Variants in PTP4A1 observed in about 807,000 individuals in gnomAD.
PTP4A1 encodes protein tyrosine phosphatase 4A1, also known as protein tyrosine phosphatase type IVA 1.
PTP4A1 carries 9 observed loss-of-function variants against 20.5 expected under a neutral mutation model. The observed-to-expected ratio is 0.44, with a 90% CI of 0.26 to 0.77. The LOEUF is 0.77. Among genes scored for constraint, PTP4A1 ranks in the 30% least tolerant of loss-of-function variants. PTP4A1 has a pLI of 0.19. For missense variants in PTP4A1, 137 were observed against 218.8 expected (o/e 0.63, Z 2.36); for synonymous variants, 78 against 67.4 (o/e 1.16, Z -0.77).
At chr6:63,529,560 T>C (rs1426195633) in intron 2 of PTP4A1, among the ~76,000 whole-genome samples, 9 of 152,178 alleles carry the variant, frequency 5.9e-5, no homozygotes, top group African/African-American at 9.7e-5. Context: ...TTCTCACCCC[T>C]TTCTTTCCTT....
upstream of PTP4A1, among the ~76,000 whole-genome samples, chr6:63,520,186 A>G (rs753576777): frequency 6.6e-6 from 1 of 152,178 alleles, no homozygotes; most frequent in Non-Finnish European, 1.5e-5. Context: ...TTTTAACTTC[A>G]GTCTTCATTG....
At chr6:63,562,197 T>C (rs1202076957) in intron 3 of PTP4A1, among the ~76,000 whole-genome samples, 1 of 147,656 alleles carries the variant, frequency 6.8e-6, no homozygotes. Context: ...GATATTTTCT[T>C]TTTCTTTTTT....
chr6:63,549,039 A>G, intron 2 of PTP4A1: 1 of 726,306 alleles, frequency 1.4e-6, no homozygotes, highest in African/African-American at 1.7e-5. Flanking sequence ...GTCGTGTGCA[A>G]TCACCACCGG....
chr6:63,527,657 TTAAG>T (rs1276865298), intron 1 of PTP4A1, among the ~76,000 whole-genome samples: 1 of 152,192 alleles, frequency 6.6e-6, no homozygotes, highest in African/African-American at 2.4e-5. Flanking sequence ...CTCTGAGAAC[TTAAG>T]TAACCATGTC....
chr6:63,541,720 A>G (rs1260402354), intron 2 of PTP4A1, among the ~76,000 whole-genome samples: 1 of 152,114 alleles, frequency 6.6e-6, no homozygotes, highest in Non-Finnish European at 1.5e-5. Context: ...GTCTCCATCC[A>G]ACTCCATTAA....
At chr6:63,551,026 T>C (rs1374759118) in intron 3 of PTP4A1, among the ~76,000 whole-genome samples, 1 of 152,106 alleles carries the variant, frequency 6.6e-6, no homozygotes, top group Admixed American at 6.5e-5. Flanking sequence ...TGATAGGTTT[T>C]TTTTATTTAT....
chr6:63,523,256 T>C (rs927457815), intron 1 of PTP4A1, among the ~76,000 whole-genome samples: 2 of 152,138 alleles, frequency 1.3e-5, no homozygotes, highest in Admixed American at 6.5e-5. Context: ...TTCACTATTA[T>C]GTACTTTCTC....
chr6:63,538,191 G>C lies in PTP4A1; in HGVS notation c.-640+10107G>C, dbSNP rs146685448. ...ATATGAGCCTTGGTGTTTACCAGTA[G>C]GGAAATGACAGGTTGTTCAAAAGGA... On this transcript the variant is annotated intron_variant, in intron 2 of 3. Transcript: ENST00000639568. Among the ~76,000 whole-genome samples, 5 of 152,296 alleles carry C rather than the reference G, an allele frequency of 3.3e-5. No individual in the cohort carries two copies. In the East Asian group the frequency reaches 9.6e-4, roughly 29 times the overall value.
intron 2 of PTP4A1, among the ~76,000 whole-genome samples, chr6:63,531,923 C>T (rs1209056202): frequency 6.6e-6 from 1 of 152,040 alleles, no homozygotes; most frequent in African/African-American, 2.4e-5. Context: ...GCCTCAGCCT[C>T]CCGAGTAGCT....
At position 63,579,339 on chromosome 6, in the gene PTP4A1, A is replaced by G; in HGVS notation, c.404+8A>G. 8 of 1,579,502 alleles carry G rather than the reference A, an allele frequency of 5.1e-6. No individual in the cohort carries two copies. Among genetic ancestry groups the G allele is most frequent in the Non-Finnish European group, 6.9e-6 (8 of 1,157,274 alleles). ...AGTACAATTCATAAGACAGTAAGTA[A>G]TGGATTCTCTTTTCATTTGTACTCT... is the stretch of plus-strand genomic sequence containing the variant. On this transcript the variant is annotated splice_region_variant and intron_variant, in intron 5 of 5. Transcript: ENST00000626021.
intron 2 of PTP4A1, among the ~76,000 whole-genome samples, chr6:63,539,674 C>T (rs1775869404): frequency 6.6e-6 from 1 of 151,876 alleles, no homozygotes; most frequent in South Asian, 2.1e-4. Flanking sequence ...GAGGCTGAGG[C>T]AGGGGAATTG....
upstream of PTP4A1, among the ~76,000 whole-genome samples, chr6:63,569,574 C>T (rs1777330942): frequency 6.6e-6 from 1 of 152,182 alleles, no homozygotes; most frequent in African/African-American, 2.4e-5. Context: ...GCTCAACTTC[C>T]TTATAATATT....
At chr6:63,575,431 A>G (rs745812760) in intron 1 of PTP4A1, among the ~76,000 whole-genome samples, 3 of 152,226 alleles carry the variant, frequency 2.0e-5, no homozygotes, top group Admixed American at 6.5e-5. Context: ...TTTTAAAAAT[A>G]TGCTGTGACT....
At chr6:63,520,939 T>C (rs1348194237), upstream of PTP4A1, among the ~76,000 whole-genome samples, 1 of 152,152 alleles carries the variant, frequency 6.6e-6, no homozygotes, top group East Asian at 1.9e-4. Flanking sequence ...TGCAGGGACA[T>C]GGATGAAGCT....
intron 1 of PTP4A1, 150 bp from the exon 2 acceptor site, chr6:63,576,286 G>A: frequency 5.2e-6 from 2 of 381,312 alleles, no homozygotes; most frequent in Non-Finnish European, 4.6e-6. Context: ...CTCACCCCTT[G>A]AGTTTTGCAA....
At chr6:63,556,180 T>C (rs1251637880) in intron 3 of PTP4A1, among the ~76,000 whole-genome samples, 2 of 152,128 alleles carry the variant, frequency 1.3e-5, no homozygotes, top group African/African-American at 4.8e-5. Flanking sequence ...TTTACTGTGA[T>C]TTATTTATTT....
chr6:63,559,791 A>G (rs1581935956), intron 3 of PTP4A1, among the ~76,000 whole-genome samples: 2 of 152,056 alleles, frequency 1.3e-5, no homozygotes, highest in Admixed American at 1.3e-4. Context: ...ATGGTCGTTC[A>G]TGCATATAAT....
chr6:63,528,090 T>C (rs1775265357), intron 2 of PTP4A1: 1 of 152,200 alleles, frequency 6.6e-6, no homozygotes, highest in African/African-American at 2.4e-5. Context: ...GGCAGGTAAG[T>C]GTGACTTCCT....
chr6:63,526,362 T>G (rs1030351462), intron 1 of PTP4A1, among the ~76,000 whole-genome samples: 2 of 151,754 alleles, frequency 1.3e-5, no homozygotes, highest in African/African-American at 4.8e-5. Context: ...TCCAGAAGCT[T>G]TGGGTTCTAG....
Sources: gnomAD v4.1 joint callset for allele counts (sites outside exome capture counted in the v4.1 genomes callset) on GRCh38, gnomAD v4.1.1 for gene constraint, MANE v1.5 for transcripts, NCBI Gene and HGNC (gene_info 2026-07-23, HGNC 2026-07-21) for gene names.